Variants in ARX observed in about 807,000 individuals in gnomAD.
The protein encoded by ARX is homeobox protein ARX.
ARX carries 1 observed loss-of-function variant against 23.1 expected under a neutral mutation model. The ratio of observed to expected loss-of-function variants is 0.04; its 90% confidence interval spans 0.02 to 0.21. The LOEUF is 0.21. Ranked by LOEUF, ARX falls within the 10% of genes least tolerant of loss-of-function variation. ARX has a pLI of 1.00. For synonymous variants in ARX, 301 were observed against 270.1 expected (o/e 1.11, Z -1.12); for missense variants, 380 against 527.5 (o/e 0.72, Z 2.74).
rs201300786 is a variant in ARX, at chrX:25,010,254, G to C, written c.1119+6C>G. 8.4e-7 allele frequency: 1 copy of C among 1,194,423 alleles called. No individual in the cohort carries two copies. The highest frequency in any genetic ancestry group is 1.9e-5 in the African/African-American group (1 of 53,487). On this transcript the variant is annotated splice_donor_region_variant and intron_variant, in intron 3 of 4. Transcript: ENST00000379044. ...CCCTCCCTCTTCCCTCTGTTGTGCA[G>C]CTCACCTGGACTCGGGCCTCGGTCA...
chrX:25,012,832 C>T lies in ARX; in HGVS notation c.1073+90G>A, dbSNP rs1034621188. ...GAGTCCAGGAGCCAAGCGTCCGCCC[C>T]GAGGCCGGGGCCCCTGCCAGCCCGC... On this transcript the variant is annotated intron_variant, in intron 2 of 4. Coordinates refer to ENST00000379044, the MANE Select transcript of ARX (RefSeq NM_139058.3). The T allele has an allele frequency of 3.4e-6, 4 of 1,160,425 alleles. No homozygotes were observed. The African/African-American group carries it at 5.4e-5, about 16-fold the overall frequency.
In ARX at chrX:25,011,803, T is replaced by C. The variant is rs375176804; in HGVS notation, c.1073+1119A>G. On this transcript the variant is annotated intron_variant, in intron 2 of 4. Transcript: ENST00000379044. Reference sequence around the variant, plus strand: ...CTCTGGTTCAAAGGGGCGGGCAGCATTCCCCTTCTAAAATGCACATTGAAA... The same window carrying C: ...CTCTGGTTCAAAGGGGCGGGCAGCACTCCCCTTCTAAAATGCACATTGAAA... Among the ~76,000 whole-genome samples the C allele has an allele frequency of 6.2e-5, 7 of 112,979 alleles. No individual in the cohort carries two copies. The East Asian group carries it at 2.0e-3, about 32-fold the overall frequency.
intron 1 of ARX, among the ~76,000 whole-genome samples, chrX:25,014,485 A>G (rs899461405): frequency 1.8e-5 from 2 of 112,840 alleles, no homozygotes; most frequent in Non-Finnish European, 3.8e-5. Flanking sequence ...TGTGGCCCCA[A>G]GTGCAGGCCG....
rs1408372106 is a variant in ARX, at chrX:25,004,648, G to A, written c.*22C>T. 8.6e-7 allele frequency: 1 copy of A among 1,164,671 alleles called. No individual in the cohort carries two copies. Among genetic ancestry groups the A allele is most frequent in the Non-Finnish European group, 1.1e-6 (1 of 872,849 alleles). On this transcript the variant is annotated 3_prime_UTR_variant, in exon 5 of 5. Coordinates refer to ENST00000379044, the MANE Select transcript of ARX (RefSeq NM_139058.3). ...GGTGACCTTTCGGGGCGCGCGCGGG[G>A]CGCGGGTGTGGAGGGCAGCCTTTAG...
rs933722312 is a variant in ARX at position 25,004,566 on chromosome X, C to T, written c.*104G>A. On this transcript the variant is annotated 3_prime_UTR_variant, in exon 5 of 5. Coordinates refer to ENST00000379044, the MANE Select transcript of ARX (RefSeq NM_139058.3). ...GAAGGCGGCTGCGCTCTCTCAGTGC[C>T]GTCTCGGGAGTGTGCTGGTCCTCTG... The T allele has an allele frequency of 1.1e-5, 12 of 1,128,674 alleles. No individual in the cohort carries two copies. The highest frequency in any genetic ancestry group is 2.0e-5 in the South Asian group (1 of 51,050). 93.0% of individuals were successfully genotyped at this position (1,128,674 alleles called of 1,213,427 possible).
chrX:25,013,873 C>T (rs2048714396), intron 1 of ARX, 75 bp from the exon 2 acceptor site: 3 of 866,279 alleles, frequency 3.5e-6, no homozygotes, highest in South Asian at 6.2e-5. Flanking sequence ...GGGGCCCGCC[C>T]GCAGTTGCTC....
chrX:25,007,516 T>TGGCGCGCTGCGG, intron 3 of ARX, 77 bp from the exon 4 acceptor site: 1 of 1,079,776 alleles, frequency 9.3e-7, no homozygotes, highest in Non-Finnish European at 1.2e-6. Context: ...TCCCTTCCCT[T>TGGCGCGCTGCGG]GGCGCGCTGC....
intron 3 of ARX, among the ~76,000 whole-genome samples, chrX:25,008,174 A>AG (rs1319926394): frequency 1.8e-5 from 2 of 112,743 alleles, no homozygotes; most frequent in Non-Finnish European, 3.7e-5. Flanking sequence ...CATACATTTC[A>AG]GGGGGTCAAT....
Position 25,013,609 on chromosome X carries a change from G to A in ARX, c.386C>T (p.Pro129Leu). 1.3e-6 allele frequency: 1 copy of A among 751,849 alleles called. No homozygotes were observed. Among genetic ancestry groups the A allele is most frequent in the East Asian group, 1.5e-4 (1 of 6,535 alleles). The allele number at this position is 751,849 out of a possible 1,213,427, so 62.0% of individuals were successfully genotyped here. The change falls in exon 2 of 5, where the codon CCA becomes CTA. Residue 129 changes from proline to leucine, a missense_variant. Transcript: ENST00000379044. Reference sequence around the variant, plus strand: ...TTCCCCGGGCCGCGCGGTTGGCGGTGGCGGCGGAGGGGCCTCCCCGCGTGG... The same window carrying A: ...TTCCCCGGGCCGCGCGGTTGGCGGTAGCGGCGGAGGGGCCTCCCCGCGTGG... ...AGPRGEAPPP[P>L]PPTARPGERP... is the part of the protein sequence containing the mutation.
intron 1 of ARX, among the ~76,000 whole-genome samples, chrX:25,014,142 T>G (rs1468046458): frequency 9.2e-6 from 1 of 108,849 alleles, no homozygotes; most frequent in African/African-American, 3.4e-5. Context: ...ACCTTTTTTC[T>G]TTTTCTTTCT....
intron 4 of ARX, 52 bp from the exon 5 acceptor site, chrX:25,004,962 C>A: frequency 9.4e-7 from 1 of 1,062,166 alleles, no homozygotes; most frequent in Non-Finnish European, 1.2e-6. Flanking sequence ...GTGCGCGGCG[C>A]CTCGGGCAGC....
At position 25,012,214 on chromosome X, in the gene ARX, G is replaced by C. The variant is rs749934491; in HGVS notation, c.1073+708C>G. Among the ~76,000 whole-genome samples, 12 of 112,842 alleles carry C rather than the reference G, an allele frequency of 1.1e-4. No individual in the cohort carries two copies. The South Asian group carries it at 4.4e-3, about 41-fold the overall frequency. Reference sequence around the variant, plus strand: ...GTAAACCCGTTTACATTAAACGCACGGTGGGTTTAATATGTGTGTCGGGAG... The same window carrying C: ...GTAAACCCGTTTACATTAAACGCACCGTGGGTTTAATATGTGTGTCGGGAG... On this transcript the variant is annotated intron_variant, in intron 2 of 4. Coordinates refer to ENST00000379044, the MANE Select transcript of ARX (RefSeq NM_139058.3).
At position 25,003,981 on chromosome X, in the gene ARX, C is replaced by T. The variant is rs2048665424; in HGVS notation, c.*689G>A. On this transcript the variant is annotated 3_prime_UTR_variant, in exon 5 of 5. Coordinates refer to ENST00000379044, the MANE Select transcript of ARX (RefSeq NM_139058.3). ...TATAACATTTCAAATATACAAAGCT[C>T]TGTTCTTTTTTTTTTTTTTTTAATA... The T allele has an allele frequency of 1.1e-5, 1 of 89,317 alleles. No homozygotes were observed. The highest frequency in any genetic ancestry group is 2.3e-5 in the Non-Finnish European group (1 of 42,594). The allele number at this position is 89,317 out of a possible 1,213,427, so 7.4% of individuals were successfully genotyped here. A position where few individuals can be genotyped will look rare whatever the true frequency, so the allele number is the denominator to read the frequency against.
At position 25,007,300 on chromosome X, in the gene ARX, G is replaced by A. The variant is rs587783143; in HGVS notation, c.1259C>T (p.Pro420Leu). 8.9e-7 allele frequency: 1 copy of A among 1,126,646 alleles called. No individual in the cohort carries two copies. The highest frequency in any genetic ancestry group is 1.2e-6 in the Non-Finnish European group (1 of 859,552). 92.8% of individuals were successfully genotyped at this position (1,126,646 alleles called of 1,213,427 possible). ...GGAGTCGAGCGCCGGGTGGTGCGGA[G>A]GGAAGGGGCTGGCGTCCAGGTAGGG... ...LSPYLDASPF[P>L]PHHPALDSAW... is the part of the protein sequence containing the mutation. Residue 420 changes from proline (P) to leucine (L), a missense_variant, in exon 4 of 5, where the codon CCT becomes CTT. Transcript: ENST00000379044.
At chrX:25,014,225 T>A (rs1325985598) in intron 1 of ARX, among the ~76,000 whole-genome samples, 1 of 110,473 alleles carries the variant, frequency 9.1e-6, no homozygotes, top group Non-Finnish European at 1.9e-5. Flanking sequence ...AGGCTTTCTC[T>A]CCCCTCTCTC....
intron 4 of ARX, among the ~76,000 whole-genome samples, chrX:25,005,255 CA>C (rs2048672774): frequency 9.0e-6 from 1 of 111,506 alleles, no homozygotes; most frequent in African/African-American, 3.3e-5. Flanking sequence ...ATTCCAAGGC[CA>C]GGGGCTGCAA....
intron 2 of ARX, among the ~76,000 whole-genome samples, chrX:25,012,093 G>C (rs1245588384): frequency 1.8e-5 from 2 of 112,649 alleles, no homozygotes; most frequent in Non-Finnish European, 3.8e-5. Flanking sequence ...AGCGTGACCA[G>C]GTCGAACACC....
chrX:25,007,480 C>A, intron 3 of ARX, 41 bp from the exon 4 acceptor site: 1 of 1,138,909 alleles, frequency 8.8e-7, no homozygotes, highest in Non-Finnish European at 1.2e-6. Flanking sequence ...CGGCTCGGCC[C>A]GGCGGGCGCA....
chrX:25,006,998 G>T, intron 4 of ARX, 113 bp downstream of exon 4: 1 of 921,809 alleles, frequency 1.1e-6, no homozygotes, highest in South Asian at 2.5e-5. Context: ...TCTGAGGTTG[G>T]GTCAAAGAAA....
Sources: gnomAD v4.1 joint callset for allele counts (sites outside exome capture counted in the v4.1 genomes callset) on GRCh38, gnomAD v4.1.1 for gene constraint, MANE v1.5 for transcripts, NCBI Gene and HGNC (gene_info 2026-07-23, HGNC 2026-07-21) for gene names.